The following RTTN variants were observed in gnomAD, a reference collection of about 807,000 sequenced individuals.
RTTN encodes rotatin.
Under a neutral mutation model 269.2 loss-of-function variants are expected in RTTN, and 182 were observed. The observed-to-expected ratio is 0.68, with a 90% CI of 0.60 to 0.76. RTTN has a LOEUF of 0.76. RTTN is among the 30% of genes least tolerant of loss of function. RTTN has a pLI of 0.00. For synonymous variants in RTTN, 1,006 were observed against 963.5 expected (o/e 1.04, Z -0.82); for missense variants, 2,545 against 2,608.6 (o/e 0.98, Z 0.53).
rs10559303 is a variant in RTTN at position 70,163,069 on chromosome 18, T to TAAAAAAAAAAAAAAAA, written c.1929+2977_1929+2992dup. On this transcript the variant is annotated intron_variant, in intron 14 of 48. Transcript: ENST00000640769. Reference sequence around the variant, plus strand: ...CACCCATTAGGATGGTTACTATTATTAAAAAAAAAAAAAAAAAAAAAAAAA... The same window carrying TAAAAAAAAAAAAAAAA: ...CACCCATTAGGATGGTTACTATTATTAAAAAAAAAAAAAAAAAAAAAAAAAAAAAAAAAAAAAAAAA... 1.6e-4 allele frequency among the ~76,000 whole-genome samples: 9 copies of TAAAAAAAAAAAAAAAA among 56,968 alleles called. 2 individuals are homozygous for TAAAAAAAAAAAAAAAA. Among genetic ancestry groups the TAAAAAAAAAAAAAAAA allele is most frequent in the African/African-American group, 3.5e-4 (5 of 14,154 alleles). The allele number at this position is 56,968 out of a possible 152,430, so 37.4% of individuals were successfully genotyped here.
chr18:70,199,139 T>C (rs2061888108), intron 5 of RTTN, among the ~76,000 whole-genome samples: 1 of 152,152 alleles, frequency 6.6e-6, no homozygotes, highest in South Asian at 2.1e-4. Flanking sequence ...TTGAGCCAGA[T>C]GGTGCCATTG....
chr18:70,188,379 C>T (rs2061595253), intron 9 of RTTN, among the ~76,000 whole-genome samples, 156 bp from the exon 10 acceptor site: 1 of 152,196 alleles, frequency 6.6e-6, no homozygotes, highest in African/African-American at 2.4e-5. Flanking sequence ...TCACAATTTA[C>T]AATCACACTG....
At chr18:70,187,484 T>C (rs10782041) in intron 10 of RTTN, among the ~76,000 whole-genome samples, 109,452 of 152,096 alleles carry the variant, frequency 0.72, 45,955 homozygotes, top group East Asian at 1. Flanking sequence ...TACATTTTTA[T>C]GAAGAAAAAA....
chr18:70,096,972 T>C (rs2059020668), intron 28 of RTTN, among the ~76,000 whole-genome samples: 1 of 152,314 alleles, frequency 6.6e-6, no homozygotes, highest in Admixed American at 6.5e-5. Context: ...AATGATCAGA[T>C]CCTTATTATC....
Position 70,075,444 on chromosome 18 carries a change from T to A in RTTN, c.4472A>T (p.Asn1491Ile). 6.2e-7 allele frequency: 1 copy of A among 1,609,264 alleles called. No homozygotes were observed. The highest frequency in any genetic ancestry group is 8.5e-7 in the Non-Finnish European group (1 of 1,177,888). ...TAGGTAACAATGCTTTACCATCTGA[T>A]TCAAATGTTCATAAAAATGGCAGTG... is the stretch of plus-strand genomic sequence containing the variant. ...LYHCHFYEHL[N>I]QMVKHCYLGR... Residue 1491 changes from asparagine to isoleucine, a missense_variant, in exon 33 of 49, where the codon AAT (asparagine) becomes ATT (isoleucine). Asn to Ile is a moderately radical substitution (Grantham distance 149). Coordinates refer to ENST00000640769, the MANE Select transcript of RTTN (RefSeq NM_173630.4).
intron 4 of RTTN, among the ~76,000 whole-genome samples, chr18:70,200,904 T>C (rs888691303): frequency 2.0e-5 from 3 of 152,236 alleles, no homozygotes; most frequent in Admixed American, 6.5e-5. Flanking sequence ...AAAGAATATA[T>C]ACTGAGTGCC....
At position 70,059,976 on chromosome 18, in the gene RTTN, A is replaced by G. The variant is rs1362868899; in HGVS notation, c.4814T>C (p.Leu1605Pro). ...DSSLSAPLPK[L>P]CVFVTPSLLS... ...AAGAGATGGAGTAACAAAAACACAC[A>G]GTTTGGGCAGGGGAGCAGAAAGAGA... The change falls in exon 36 of 49, where the codon CTG becomes CCG. Residue 1605 changes from leucine (L) to proline (P), a missense_variant. Physicochemically the swap from Leu to Pro is moderately conservative, Grantham distance 98 (BLOSUM62 -3). Transcript: ENST00000640769. The G allele has an allele frequency of 6.2e-7, 1 of 1,613,936 alleles. No homozygotes were observed. Among genetic ancestry groups the G allele is most frequent in the Non-Finnish European group, 8.5e-7 (1 of 1,179,952 alleles).
At chr18:70,203,336 G>T (rs1235490370) in intron 3 of RTTN, among the ~76,000 whole-genome samples, 2 of 152,044 alleles carry the variant, frequency 1.3e-5, no homozygotes, top group Non-Finnish European at 2.9e-5. Flanking sequence ...CCTACTAGCT[G>T]GGATTACAGG....
intron 28 of RTTN, among the ~76,000 whole-genome samples, chr18:70,108,827 C>T (rs1356109889): frequency 6.7e-6 from 1 of 149,300 alleles, no homozygotes; most frequent in Non-Finnish European, 1.5e-5. Flanking sequence ...CAAAACAGGA[C>T]AAAAGAAAAC....
intron 32 of RTTN, among the ~76,000 whole-genome samples, chr18:70,077,379 T>C (rs1365095004): frequency 6.6e-6 from 1 of 151,692 alleles, no homozygotes. Context: ...CAGAAAAAAA[T>C]GACATCTACA....
chr18:70,166,416 C>T (rs1260064227), intron 13 of RTTN: 7 of 335,666 alleles, frequency 2.1e-5, no homozygotes, highest in Non-Finnish European at 3.8e-5. Context: ...TTTAAAATCC[C>T]CTACTCAGTT....
In RTTN at chr18:70,166,233, T is replaced by C. The variant is rs368880083; in HGVS notation, c.1803-45A>G. 1.8e-5 allele frequency: 29 copies of C among 1,604,856 alleles called. No individual in the cohort carries two copies. In the African/African-American group the frequency reaches 3.5e-4, roughly 19 times the overall value. On this transcript the variant is annotated intron_variant, in intron 13 of 48. Transcript: ENST00000640769. ...ACCAAGACATGTGAGGCAAGTAAGT[T>C]AGTAAGCAAAAGACTGCAAAGCATA...
chr18:70,039,380 G>A (rs1336649170), intron 40 of RTTN, among the ~76,000 whole-genome samples: 2 of 151,576 alleles, frequency 1.3e-5, no homozygotes, highest in African/African-American at 4.8e-5. Flanking sequence ...ACGAGAGAGT[G>A]GCATGACATA....
intron 36 of RTTN, 145 bp from the exon 37 acceptor site, chr18:70,057,977 A>ATCAGATAGTT: frequency 1.7e-6 from 1 of 577,602 alleles, no homozygotes; most frequent in East Asian, 3.0e-5. Flanking sequence ...GTTTATAAAA[A>ATCAGATAGTT]GATATCTCAA....
At chr18:70,066,486 C>A (rs2058138809) in intron 34 of RTTN, among the ~76,000 whole-genome samples, 1 of 152,170 alleles carries the variant, frequency 6.6e-6, no homozygotes, top group African/African-American at 2.4e-5. Context: ...ATTTCACCTA[C>A]AGGTTTATAA....
intron 14 of RTTN, among the ~76,000 whole-genome samples, chr18:70,163,120 A>C (rs1196601405): frequency 6.9e-6 from 1 of 143,998 alleles, no homozygotes; most frequent in Admixed American, 7.4e-5. Flanking sequence ...ACGGTGGCTC[A>C]CATTTGTAAT....
Position 70,074,006 on chromosome 18 carries a change from A to C in RTTN, c.4565-12T>G, listed in dbSNP as rs370595290. On this transcript the variant is annotated splice_polypyrimidine_tract_variant and intron_variant, in intron 33 of 48. Transcript: ENST00000640769. ...TGAGTCATCTAAACCTGCAACAACG[A>C]GAAAATTGTTAACATGGACACCCTC... 4.4e-6 allele frequency: 7 copies of C among 1,589,480 alleles called. No individual in the cohort carries two copies. The highest frequency in any genetic ancestry group is 6.0e-6 in the Non-Finnish European group (7 of 1,158,396).
At chr18:70,171,614 A>G (rs753080877) in intron 11 of RTTN, among the ~76,000 whole-genome samples, 11 of 152,204 alleles carry the variant, frequency 7.2e-5, no homozygotes, top group Non-Finnish European at 1.3e-4. Context: ...GCTGTCCTGC[A>G]TATATAAGCA....
intron 4 of RTTN, among the ~76,000 whole-genome samples, chr18:70,200,980 T>C (rs896914099): frequency 6.6e-6 from 1 of 152,040 alleles, no homozygotes; most frequent in Non-Finnish European, 1.5e-5. Context: ...ATTATCAAAC[T>C]TAAAACAAAA....
Sources: allele counts gnomAD v4.1 joint callset (sites outside exome capture counted in the v4.1 genomes callset), GRCh38; gene constraint gnomAD v4.1.1; transcripts MANE v1.5; gene names NCBI Gene and HGNC (gene_info 2026-07-23, HGNC 2026-07-21).